The following DACH2 variants were observed in gnomAD, a reference collection of about 807,000 sequenced individuals.
DACH2 encodes the protein dachshund family transcription factor 2.
In DACH2, 17 loss-of-function variants were observed where a neutral mutation model predicts 35.8. The observed-to-expected ratio is 0.48, with a 90% CI of 0.33 to 0.71. The LOEUF (loss-of-function observed/expected upper bound fraction) is 0.71, where lower values mean the gene tolerates loss of function less well. Ranked by LOEUF, DACH2 falls within the 30% of genes least tolerant of loss-of-function variation. The pLI is 0.02. For missense variants in DACH2, 469 were observed against 472.7 expected, an observed-to-expected ratio of 0.99 and a Z score of 0.07; for synonymous variants, 195 against 177.3, an observed-to-expected ratio of 1.10 and a Z score of -0.79.
At chrX:86,364,316 T>C (rs1194176270) in intron 1 of DACH2, among the ~76,000 whole-genome samples, 2 of 111,192 alleles carry the variant, frequency 1.8e-5, no homozygotes, top group East Asian at 5.7e-4. Context: ...AGGGAAGGCA[T>C]TCACAGATAC....
At chrX:86,328,872 CT>C (rs2035162248) in intron 1 of DACH2, among the ~76,000 whole-genome samples, 1 of 111,904 alleles carries the variant, frequency 8.9e-6, no homozygotes, top group African/African-American at 3.2e-5. Context: ...AGTAGTCTGA[CT>C]GATAAAGCTA....
At chrX:86,328,169 G>T (rs1316011214) in intron 1 of DACH2, among the ~76,000 whole-genome samples, 1 of 111,231 alleles carries the variant, frequency 9.0e-6, no homozygotes, top group Non-Finnish European at 1.9e-5. Flanking sequence ...CTGTCTCTAT[G>T]CATCAAGCAG....
chrX:86,637,886 A>G (rs2040294754), intron 3 of DACH2, among the ~76,000 whole-genome samples: 1 of 111,946 alleles, frequency 8.9e-6, no homozygotes. Context: ...GTACAAGTTA[A>G]ATTTTAAAAA....
In DACH2 at chrX:86,148,842, C is replaced by A; in HGVS notation, c.222C>A (p.His74Gln). Reference protein sequence around the residue: ...NTNECRMVDMHGMKVASFLMD... With the variant: ...NTNECRMVDMQGMKVASFLMD... ...ACGAGTGCCGCATGGTCGACATGCACGGGATGAAGGTGGCTTCGTTCCTGA... is the reference window on the plus strand; with the variant it reads ...ACGAGTGCCGCATGGTCGACATGCAAGGGATGAAGGTGGCTTCGTTCCTGA... Residue 74 changes from histidine to glutamine, a missense_variant, in exon 1 of 12, where the codon CAC becomes CAA. By Grantham distance (24) the His-to-Gln change is conservative. This residue lies in a region of DACH2 where 99 missense variants were observed against 114.3 expected (regional missense o/e 0.87). Coordinates refer to ENST00000373125, the MANE Select transcript of DACH2 (RefSeq NM_053281.3). 2 of 1,211,649 alleles carry A rather than the reference C, an allele frequency of 1.7e-6. No individual in the cohort carries two copies. Among genetic ancestry groups the A allele is most frequent in the Non-Finnish European group, 2.2e-6 (2 of 895,522 alleles).
At chrX:86,479,022 A>G (rs774567599) in intron 2 of DACH2, among the ~76,000 whole-genome samples, 406 of 110,626 alleles carry the variant, frequency 3.7e-3, no homozygotes, top group Middle Eastern at 0.023. Context: ...AGTTGCTCTC[A>G]GCAGGTGGTT....
At chrX:86,293,226 G>T (rs142063100) in intron 1 of DACH2, among the ~76,000 whole-genome samples, 74 of 99,605 alleles carry the variant, frequency 7.4e-4, no homozygotes, top group Non-Finnish European at 1.1e-3. Flanking sequence ...AAAGTCTGTT[G>T]TATCAGAGAC....
At chrX:86,325,284 C>T (rs774607813) in intron 1 of DACH2, among the ~76,000 whole-genome samples, 5 of 111,439 alleles carry the variant, frequency 4.5e-5, no homozygotes, top group South Asian at 3.8e-4. Flanking sequence ...AGCGAGCTCA[C>T]GCTTAATTGA....
rs759480153 is a variant in DACH2 at position 86,505,171 on chromosome X, T to G, written c.528-9108T>G. ...AACTTCATGATGTATCCCTCTAGAT[T>G]TTTTTCCTTTGGCATTCAAAATGAT... On this transcript the variant is annotated intron_variant, in intron 2 of 11. Transcript: ENST00000373125. Among the ~76,000 whole-genome samples, 36 of 111,593 alleles carry G rather than the reference T, an allele frequency of 3.2e-4. 1 individual carries two copies. The highest frequency in any genetic ancestry group is 1.1e-4 in the Non-Finnish European group (6 of 53,017).
At chrX:86,472,849 T>A (rs1459849290) in intron 2 of DACH2, among the ~76,000 whole-genome samples, 1 of 112,089 alleles carries the variant, frequency 8.9e-6, no homozygotes, top group Non-Finnish European at 1.9e-5. Context: ...ATCGATAGAT[T>A]AGCCTTAGCA....
rs73506345 is a variant in DACH2 at position 86,634,037 on chromosome X, A to G, written c.641-16999A>G. Among the ~76,000 whole-genome samples, 181 of 111,743 alleles carry G rather than the reference A, an allele frequency of 1.6e-3. 1 individual carries two copies. The highest frequency in any genetic ancestry group is 5.7e-3 in the African/African-American group (176 of 30,740). On this transcript the variant is annotated intron_variant, in intron 3 of 11. Transcript: ENST00000373125. ...ACAGGAAGCATTACTAGGAGGCCAT[A>G]GGAAACTTACAATCATGGTGGAAGA...
At chrX:86,415,467 TTCTACA>T (rs1229821391) in intron 2 of DACH2, among the ~76,000 whole-genome samples, 1 of 112,206 alleles carries the variant, frequency 8.9e-6, no homozygotes, top group Non-Finnish European at 1.9e-5. Context: ...TGTGATTTCC[TTCTACA>T]TCTCTATTCT....
At chrX:86,698,521 G>GTGTTT (rs2041096546) in intron 5 of DACH2, among the ~76,000 whole-genome samples, 4 of 32,957 alleles carry the variant, frequency 1.2e-4, no homozygotes, top group Non-Finnish European at 1.9e-4. Flanking sequence ...TTAGTTTTGT[G>GTGTTT]TTTTTTTTTT....
chrX:86,502,039 C>T (rs1034520584), intron 2 of DACH2, among the ~76,000 whole-genome samples: 3 of 108,240 alleles, frequency 2.8e-5, no homozygotes, highest in African/African-American at 6.7e-5. Context: ...TCCTTCCTTC[C>T]TTCCTTCCTT....
intron 2 of DACH2, among the ~76,000 whole-genome samples, chrX:86,470,411 G>A (rs960790179): frequency 9.0e-6 from 1 of 111,600 alleles, no homozygotes; most frequent in African/African-American, 3.2e-5. Flanking sequence ...AAGTTGAATA[G>A]CTAGTCATGT....
chrX:86,816,314 T>C (rs1289512445), intron 11 of DACH2, among the ~76,000 whole-genome samples: 2 of 111,732 alleles, frequency 1.8e-5, no homozygotes, highest in Non-Finnish European at 3.8e-5. Context: ...ATAACTCTGG[T>C]TACAGAGGGA....
chrX:86,248,890 G>T (rs185167331), intron 1 of DACH2, among the ~76,000 whole-genome samples: 1 of 110,055 alleles, frequency 9.1e-6, no homozygotes, highest in East Asian at 2.9e-4. Flanking sequence ...AAATCAGATT[G>T]CTTTATTGCA....
At chrX:86,507,046 G>A (rs1181132570) in intron 2 of DACH2, among the ~76,000 whole-genome samples, 1 of 111,698 alleles carries the variant, frequency 9.0e-6, no homozygotes, top group African/African-American at 3.3e-5. Context: ...AAGAGCAAAA[G>A]TTTAAAAGGA....
intron 1 of DACH2, among the ~76,000 whole-genome samples, chrX:86,299,984 G>A (rs1293694707): frequency 9.0e-6 from 1 of 111,443 alleles, no homozygotes; most frequent in Non-Finnish European, 1.9e-5. Flanking sequence ...AATGTGTAAT[G>A]GTCAACTAGA....
intron 2 of DACH2, among the ~76,000 whole-genome samples, chrX:86,380,695 C>T (rs771879141): frequency 2.7e-4 from 30 of 110,064 alleles, no homozygotes; most frequent in African/African-American, 9.8e-4. Flanking sequence ...ACAATAATCT[C>T]CTTTTTACTC....
Sources: allele counts gnomAD v4.1 joint callset (sites outside exome capture counted in the v4.1 genomes callset), GRCh38; gene constraint gnomAD v4.1.1; regional missense constraint gnomAD v4.1.1; transcripts MANE v1.5; gene names NCBI Gene and HGNC (gene_info 2026-07-23, HGNC 2026-07-21).